The following TMEM254 variants were observed in gnomAD, a reference collection of about 807,000 sequenced individuals.
The protein encoded by TMEM254 is transmembrane protein C10orf57.
A neutral mutation model predicts 13.9 loss-of-function variants in TMEM254; 16 were observed. That is an observed-to-expected ratio of 1.15 (90% CI 0.78 to 1.75). The LOEUF (loss-of-function observed/expected upper bound fraction) is 1.75, where lower values mean the gene tolerates loss of function less well. TMEM254 is among the 40% of genes most tolerant of loss of function. TMEM254 has a pLI of 0.00. For missense variants in TMEM254, 155 were observed against 149.0 expected (o/e 1.04, Z -0.21); for synonymous variants, 61 against 56.4 (o/e 1.08, Z -0.36).
chr10:80,078,737 G>A lies in TMEM254; in HGVS notation c.38G>A (p.Gly13Asp). The change falls in exon 1 of 4, where the codon GGC becomes GAC. Residue 13 changes from glycine (G) to aspartate (D), a missense_variant. Gly to Asp is a moderately conservative substitution (Grantham distance 94). Coordinates refer to ENST00000372281, the MANE Select transcript of TMEM254 (RefSeq NM_025125.4). ...GCCGGCGCGACCTACTTTCAGCGAG[G>A]CAGTCTGTTCTGGTTCACAGTCATC... Reference protein sequence around the residue: ...TAAGATYFQRGSLFWFTVITL... With the variant: ...TAAGATYFQRDSLFWFTVITL... The A allele has an allele frequency of 1.2e-6, 2 of 1,608,600 alleles. No individual in the cohort carries two copies. Among genetic ancestry groups the A allele is most frequent in the Non-Finnish European group, 1.7e-6 (2 of 1,178,116 alleles).
intron 3 of TMEM254, 65 bp downstream of exon 3, chr10:80,082,269 A>C: frequency 6.4e-7 from 1 of 1,555,600 alleles, no homozygotes; most frequent in South Asian, 1.1e-5. Flanking sequence ...GAGAGCAGCC[A>C]CATTTAAATA....
rs1455172873 is a variant in TMEM254, at chr10:80,090,909, CAAACTT to C, written c.365_370del (p.Gln122_Ter124delinsArg). 3.1e-6 allele frequency: 5 copies of C among 1,613,500 alleles called. No individual in the cohort carries two copies. The highest frequency in any genetic ancestry group is 4.2e-6 in the Non-Finnish European group (5 of 1,179,840). On this transcript the variant is annotated stop_lost and inframe_deletion, in exon 4 of 4. Coordinates refer to ENST00000372281, the MANE Select transcript of TMEM254 (RefSeq NM_025125.4). ...TGCTTACAAACGGAAGCGCCAAAAA[CAAACTT>C]GAAGTTGTCTGAAAGCTTGCTCTAC...
intron 1 of TMEM254, among the ~76,000 whole-genome samples, chr10:80,080,236 A>G (rs1243593786): frequency 6.6e-6 from 1 of 152,168 alleles, no homozygotes; most frequent in Non-Finnish European, 1.5e-5. Flanking sequence ...ATGCAGTGAT[A>G]TTTGTGCATT....
At chr10:80,079,936 G>T (rs1275102591) in intron 1 of TMEM254, among the ~76,000 whole-genome samples, 1 of 152,206 alleles carries the variant, frequency 6.6e-6, no homozygotes, top group South Asian at 2.1e-4. Context: ...TGATAAGGTG[G>T]TAAAATTTTG....
rs556159768 is a variant in TMEM254, at chr10:80,084,145, G to A, written c.251+1941G>A. Reference sequence around the variant, plus strand: ...CTGCTGCCTTGTGATCAGGCAGCTAGGTACTGTGTATATTGCATATCCAGT... The same window carrying A: ...CTGCTGCCTTGTGATCAGGCAGCTAAGTACTGTGTATATTGCATATCCAGT... On this transcript the variant is annotated intron_variant, in intron 3 of 3. Coordinates refer to ENST00000372281, the MANE Select transcript of TMEM254 (RefSeq NM_025125.4). 1.2e-4 allele frequency among the ~76,000 whole-genome samples: 18 copies of A among 152,214 alleles called. No individual in the cohort carries two copies. The South Asian group carries it at 2.5e-3, about 21-fold the overall frequency.
intron 3 of TMEM254, among the ~76,000 whole-genome samples, chr10:80,084,494 T>G (rs1233629294): frequency 6.6e-6 from 1 of 152,194 alleles, no homozygotes; most frequent in Non-Finnish European, 1.5e-5. Flanking sequence ...GTTATCAGTG[T>G]GGCGGTGCTT....
intron 1 of TMEM254, chr10:80,079,530 C>T (rs1466134947): frequency 5.9e-6 from 6 of 1,016,826 alleles, no homozygotes; most frequent in Non-Finnish European, 4.7e-6. Context: ...GGGGATAAAT[C>T]TAAAGGATGG....
At chr10:80,082,886 G>A (rs1177235235) in intron 3 of TMEM254, among the ~76,000 whole-genome samples, 2 of 152,036 alleles carry the variant, frequency 1.3e-5, no homozygotes, top group Non-Finnish European at 2.9e-5. Context: ...TTAATTTCTG[G>A]TCAAGATAAT....
intron 3 of TMEM254, chr10:80,090,436 G>A (rs767748862): frequency 2.6e-5 from 19 of 717,302 alleles, no homozygotes; most frequent in South Asian, 2.4e-4. Context: ...CAGCTGGTAG[G>A]TAGCCACGCT....
At position 80,078,843 on chromosome 10, in the gene TMEM254, C is replaced by A. The variant is rs1843786443; in HGVS notation, c.87+57C>A. 17 of 1,550,256 alleles carry A rather than the reference C, an allele frequency of 1.1e-5. No individual in the cohort carries two copies. In the Middle Eastern group the frequency reaches 1.3e-3, roughly 121 times the overall value. ...ACGAACGAGCGAGCGCTCGGTTCACCCCAGGACCTGGGCTCACAGGCCGCG... is the reference window on the plus strand; with the variant it reads ...ACGAACGAGCGAGCGCTCGGTTCACACCAGGACCTGGGCTCACAGGCCGCG... On this transcript the variant is annotated intron_variant, in intron 1 of 3. Coordinates refer to ENST00000372281, the MANE Select transcript of TMEM254 (RefSeq NM_025125.4).
intron 1 of TMEM254, among the ~76,000 whole-genome samples, chr10:80,081,385 A>G (rs1430392818): frequency 1.3e-5 from 2 of 152,168 alleles, no homozygotes; most frequent in Non-Finnish European, 2.9e-5. Context: ...AATAGAAGTC[A>G]TCCTGGCACA....
chr10:80,088,335 A>G (rs1293196837), intron 3 of TMEM254, among the ~76,000 whole-genome samples: 1 of 152,046 alleles, frequency 6.6e-6, no homozygotes, highest in African/African-American at 2.4e-5. Context: ...TATTCTGTGC[A>G]TTGTCTTGTG....
Position 80,078,721 on chromosome 10 carries a change from A to G in TMEM254, c.22A>G (p.Thr8Ala). The change falls in exon 1 of 4, where the codon ACC becomes GCC. Residue 8 changes from threonine to alanine, a missense_variant. Physicochemically the swap from Thr to Ala is moderately conservative, Grantham distance 58 (BLOSUM62 0). Transcript: ENST00000372281. MATAAGA[T>A]YFQRGSLFWF... ...AGCCATGGCTACGGCAGCCGGCGCG[A>G]CCTACTTTCAGCGAGGCAGTCTGTT... 1 of 1,605,714 alleles carries G rather than the reference A, an allele frequency of 6.2e-7. No homozygotes were observed. Among genetic ancestry groups the G allele is most frequent in the East Asian group, 2.2e-5 (1 of 44,566 alleles).
intron 3 of TMEM254, among the ~76,000 whole-genome samples, chr10:80,088,849 C>T (rs1006724487): frequency 4.0e-5 from 6 of 151,766 alleles, no homozygotes; most frequent in Admixed American, 6.6e-5. Context: ...CCACCTGCGT[C>T]GGTCTCCCAA....
At position 80,090,989 on chromosome 10, in the gene TMEM254, A is replaced by G; in HGVS notation, c.*72A>G. The stretch of plus-strand genomic sequence containing the variant: ...TTTTTTTGTGGGGTAGAGGAGGTGC[A>G]GTAATTTACTCAGTGATCTTTCTAC... On this transcript the variant is annotated 3_prime_UTR_variant, in exon 4 of 4. Coordinates refer to ENST00000372281, the MANE Select transcript of TMEM254 (RefSeq NM_025125.4). The G allele has an allele frequency of 1.9e-6, 3 of 1,556,608 alleles. No homozygotes were observed. The highest frequency in any genetic ancestry group is 2.4e-5 in the South Asian group (2 of 82,274).
intron 3 of TMEM254, among the ~76,000 whole-genome samples, chr10:80,085,763 T>C (rs1844285786): frequency 6.6e-6 from 1 of 152,160 alleles, no homozygotes; most frequent in Non-Finnish European, 1.5e-5. Context: ...ACAAGAAAAA[T>C]AGAATGTTTT....
chr10:80,078,743 T>C lies in TMEM254; in HGVS notation c.44T>C (p.Leu15Pro), dbSNP rs752332350. Residue 15 changes from leucine to proline, a missense_variant, in exon 1 of 4, where the codon CTG becomes CCG. Coordinates refer to ENST00000372281, the MANE Select transcript of TMEM254 (RefSeq NM_025125.4). ...AGATYFQRGS[L>P]FWFTVITLSF... ...GCGACCTACTTTCAGCGAGGCAGTC[T>C]GTTCTGGTTCACAGTCATCACCCTC... is the stretch of plus-strand genomic sequence containing the variant. The C allele has an allele frequency of 6.2e-7, 1 of 1,609,200 alleles. No individual in the cohort carries two copies. The highest frequency in any genetic ancestry group is 8.5e-7 in the Non-Finnish European group (1 of 1,178,238).
intron 1 of TMEM254, among the ~76,000 whole-genome samples, chr10:80,080,038 C>A (rs1843901066): frequency 6.6e-6 from 1 of 152,228 alleles, no homozygotes; most frequent in Admixed American, 6.5e-5. Context: ...TCAAATCTGA[C>A]AACCTATGTC....
intron 3 of TMEM254, among the ~76,000 whole-genome samples, chr10:80,084,663 C>T (rs1405075157): frequency 6.6e-6 from 1 of 152,124 alleles, no homozygotes; most frequent in Admixed American, 6.6e-5. Flanking sequence ...CCCACTAGGA[C>T]CTCTTTCCAA....
Sources: allele counts gnomAD v4.1 joint callset (sites outside exome capture counted in the v4.1 genomes callset), GRCh38; gene constraint gnomAD v4.1.1; transcripts MANE v1.5; gene names NCBI Gene and HGNC (gene_info 2026-07-23, HGNC 2026-07-21).